POLR3C: variants seen among roughly 807,000 people sequenced by gnomAD.
POLR3C encodes the protein RNA polymerase III subunit C.
POLR3C carries 44 observed loss-of-function variants against 65.9 expected under a neutral mutation model. That is an observed-to-expected ratio of 0.67 (90% confidence interval 0.52 to 0.86). The LOEUF (loss-of-function observed/expected upper bound fraction) is 0.86. Ranked by LOEUF, POLR3C falls within the 40% of genes least tolerant of loss-of-function variation. The pLI is 0.00. For synonymous variants in POLR3C, 263 were observed against 231.6 expected (o/e 1.14, Z -1.23); for missense variants, 576 against 653.2 (o/e 0.88, Z 1.29).
chr1:145,838,305 T>C, intron 11 of POLR3C, 99 bp downstream of exon 11: 4 of 889,050 alleles, frequency 4.5e-6, no homozygotes, highest in Non-Finnish European at 7.2e-6. Flanking sequence ...GCAAACTCTA[T>C]ATCCAGCTCT....
intron 7 of POLR3C, among the ~76,000 whole-genome samples, chr1:145,833,868 A>C (rs1473382282): frequency 6.6e-6 from 1 of 152,242 alleles, no homozygotes; most frequent in East Asian, 1.9e-4. Flanking sequence ...GAGCCTTGGC[A>C]TTCAGGACAT....
chr1:145,825,599 AAAAG>A (rs1650664187), intron 1 of POLR3C, among the ~76,000 whole-genome samples, 154 bp from the exon 2 acceptor site: 1 of 152,202 alleles, frequency 6.6e-6, no homozygotes. Context: ...ACAATATCCA[AAAAG>A]AAATTGTTGT....
intron 1 of POLR3C, 39 bp downstream of exon 1, chr1:145,824,408 T>G (rs1248733310): frequency 3.9e-6 from 2 of 510,510 alleles, no homozygotes; most frequent in African/African-American, 3.9e-5. Context: ...CGGCACTGAC[T>G]GGACCAAGAG....
chr1:145,842,524 A>C lies in POLR3C; in HGVS notation c.*104A>C, dbSNP rs587695697. ...AGTGGGATAAGTCGCAGAGTCTTCAACTAAACCCCCCTCTCTATCCCCTGC... is the reference window on the plus strand; with the variant it reads ...AGTGGGATAAGTCGCAGAGTCTTCACCTAAACCCCCCTCTCTATCCCCTGC... On this transcript the variant is annotated 3_prime_UTR_variant, in exon 15 of 15. Coordinates refer to ENST00000334163, the MANE Select transcript of POLR3C (RefSeq NM_006468.8). The C allele has an allele frequency of 1.9e-5, 15 of 800,938 alleles. No individual in the cohort carries two copies. The highest frequency in any genetic ancestry group is 1.1e-4 in the Admixed American group (6 of 55,242). The allele number at this position is 800,938 out of a possible 1,614,324, so 49.6% of individuals were successfully genotyped here.
intron 5 of POLR3C, among the ~76,000 whole-genome samples, chr1:145,831,098 CA>C (rs781897349): frequency 0.038 from 4,700 of 124,098 alleles, 51 homozygotes; most frequent in Non-Finnish European, 0.046. Context: ...GACCCTGTCT[CA>C]AAAAAAAAAA....
chr1:145,836,708 A>G (rs1258835558), intron 8 of POLR3C, 107 bp from the exon 9 acceptor site: 1 of 943,416 alleles, frequency 1.1e-6, no homozygotes, highest in African/African-American at 1.6e-5. Context: ...TCTCCACATC[A>G]TTTGATAGGA....
chr1:145,830,035 G>C (rs1299797871), intron 5 of POLR3C, among the ~76,000 whole-genome samples: 1 of 152,216 alleles, frequency 6.6e-6, no homozygotes, highest in Non-Finnish European at 1.5e-5. Context: ...GGGAAATGAA[G>C]TGACTGGATT....
Position 145,842,998 on chromosome 1 carries a change from AT to A in POLR3C, c.*585del, listed in dbSNP as rs1258750027. Among the ~76,000 whole-genome samples, 2 of 151,524 alleles carry A rather than the reference AT, an allele frequency of 1.3e-5. No individual in the cohort carries two copies. The highest frequency in any genetic ancestry group is 2.9e-5 in the Non-Finnish European group (2 of 67,892). On this transcript the variant is annotated 3_prime_UTR_variant, in exon 15 of 15. Coordinates refer to ENST00000334163, the MANE Select transcript of POLR3C (RefSeq NM_006468.8). Reference sequence around the variant, plus strand: ...CCAGCTATTTTTTATTTATTTATTTATTTTTTTGTAGAGACAGGGCCTCCCT... The same window carrying A: ...CCAGCTATTTTTTATTTATTTATTTATTTTTTGTAGAGACAGGGCCTCCCT...
chr1:145,825,904 C>G lies in POLR3C; in HGVS notation c.128C>G (p.Thr43Arg), dbSNP rs1053351373. 3.7e-6 allele frequency: 6 copies of G among 1,612,924 alleles called. No individual in the cohort carries two copies. The highest frequency in any genetic ancestry group is 1.3e-5 in the African/African-American group (1 of 74,914). Residue 43 changes from threonine to arginine, a missense_variant, in exon 2 of 15, where the codon ACA becomes AGA. Physicochemically the swap from Thr to Arg is moderately conservative, Grantham distance 71. Coordinates refer to ENST00000334163, the MANE Select transcript of POLR3C (RefSeq NM_006468.8). Reference protein sequence around the residue: ...SQPLRVIAHDTGTSLDQVKKA... With the variant: ...SQPLRVIAHDRGTSLDQVKKA... ...CCACTAAGAGTAATTGCCCATGACACAGGAACATCACTGGATCAGGTATGT... is the reference window on the plus strand; with the variant it reads ...CCACTAAGAGTAATTGCCCATGACAGAGGAACATCACTGGATCAGGTATGT...
chr1:145,837,928 A>G, intron 10 of POLR3C, 128 bp from the exon 11 acceptor site: 1 of 816,050 alleles, frequency 1.2e-6, no homozygotes, highest in Non-Finnish European at 1.9e-6. Context: ...GCTGTAGAAT[A>G]ATTTTCTGAT....
chr1:145,842,982 T>TTTTA lies in POLR3C; in HGVS notation c.*578_*581dup, dbSNP rs1164160809. 1.3e-5 allele frequency among the ~76,000 whole-genome samples: 2 copies of TTTTA among 152,048 alleles called. No homozygotes were observed. The highest frequency in any genetic ancestry group is 6.6e-5 in the Admixed American group (1 of 15,256). On this transcript the variant is annotated 3_prime_UTR_variant, in exon 15 of 15. Transcript: ENST00000334163. ...CATGCACCACACATACCCAGCTATT[T>TTTTA]TTTATTTATTTATTTATTTTTTTGT...
intron 12 of POLR3C, 39 bp downstream of exon 12, chr1:145,840,030 G>A (rs369799502): frequency 3.2e-5 from 48 of 1,498,368 alleles, no homozygotes; most frequent in South Asian, 6.8e-5. Context: ...TCCTCCATAC[G>A]GTCAAGTACC....
At position 145,836,515 on chromosome 1, in the gene POLR3C, G is replaced by C. The variant is rs373837148; in HGVS notation, c.898G>C (p.Gly300Arg). The C allele has an allele frequency of 7.1e-5, 114 of 1,603,072 alleles. No individual in the cohort carries two copies. The highest frequency in any genetic ancestry group is 9.4e-5 in the Non-Finnish European group (110 of 1,170,264). Residue 300 changes from glycine (G) to arginine (R), a missense_variant, in exon 8 of 15, where the codon GGC becomes CGC. Gly to Arg is a moderately radical substitution (Grantham distance 125). Transcript: ENST00000334163. ...SNEIFRSLPV[G>R]YNISKQVLDQ... The stretch of plus-strand genomic sequence containing the variant: ...ATAGATCTTCAGATCCCTACCTGTT[G>C]GCTATAACATCTCTAAGCAAGTTCT...
rs782470131 is a variant in POLR3C at position 145,840,962 on chromosome 1, G to A, written c.1414G>A (p.Ala472Thr). 2.5e-6 allele frequency: 4 copies of A among 1,613,294 alleles called. No individual in the cohort carries two copies. Among genetic ancestry groups the A allele is most frequent in the Admixed American group, 3.3e-5 (2 of 60,026 alleles). The change falls in exon 14 of 15, where the codon GCA becomes ACA. Residue 472 changes from alanine (A) to threonine (T), a missense_variant. Ala to Thr is a moderately conservative substitution (Grantham distance 58). Coordinates refer to ENST00000334163, the MANE Select transcript of POLR3C (RefSeq NM_006468.8). The part of the protein sequence containing the change: ...EKSQRVEAII[A>T]SMQATGAEEA... The stretch of plus-strand genomic sequence containing the variant: ...ATCTCAGAGGGTAGAAGCCATCATT[G>A]CATCTATGCAGGCTACTGGTGCAGA...
In POLR3C at chr1:145,842,699, T is replaced by C. The variant is rs1281469602; in HGVS notation, c.*279T>C. Among the ~76,000 whole-genome samples the C allele has an allele frequency of 6.6e-6, 1 of 151,980 alleles. No homozygotes were observed. The highest frequency in any genetic ancestry group is 1.5e-5 in the Non-Finnish European group (1 of 68,018). On this transcript the variant is annotated 3_prime_UTR_variant, in exon 15 of 15. Transcript: ENST00000334163. ...TTCCCATAAAGAAGTTACCCACACCTATGGTTACCTATATCCCTGGCAATA... is the reference window on the plus strand; with the variant it reads ...TTCCCATAAAGAAGTTACCCACACCCATGGTTACCTATATCCCTGGCAATA...
Position 145,842,555 on chromosome 1 carries a change from A to G in POLR3C, c.*135A>G. On this transcript the variant is annotated 3_prime_UTR_variant, in exon 15 of 15. Coordinates refer to ENST00000334163, the MANE Select transcript of POLR3C (RefSeq NM_006468.8). ...CCCCCCTCTCTATCCCCTGCAGCCC[A>G]GGATACACCTGAAAGAATTTGGCAT... 2 of 701,076 alleles carry G rather than the reference A, an allele frequency of 2.9e-6. No individual in the cohort carries two copies. Among genetic ancestry groups the G allele is most frequent in the South Asian group, 3.1e-5 (2 of 65,278 alleles). 43.4% of individuals were successfully genotyped at this position (701,076 alleles called of 1,614,324 possible).
chr1:145,838,205 A>G lies in POLR3C; in HGVS notation c.1220A>G (p.Gln407Arg), dbSNP rs1351296036. ...KMLSENFMSL[Q>R]EIPKTPDHAP... ...CTCTCAGAAAATTTCATGTCACTCC[A>G]GGTAACCAACCAAGGGCGTAATAAT... The change falls in exon 11 of 15, where the codon CAG becomes CGG. Residue 407 changes from glutamine (Q) to arginine (R), a missense_variant and splice_region_variant. Gln to Arg is a conservative substitution (Grantham distance 43). Transcript: ENST00000334163. 1.9e-6 allele frequency: 3 copies of G among 1,612,918 alleles called. No individual in the cohort carries two copies. Among genetic ancestry groups the G allele is most frequent in the Non-Finnish European group, 2.5e-6 (3 of 1,179,052 alleles).
chr1:145,843,755 A>G lies in POLR3C; in HGVS notation c.*1335A>G, dbSNP rs1652457759. 1.3e-5 allele frequency among the ~76,000 whole-genome samples: 2 copies of G among 152,344 alleles called. No individual in the cohort carries two copies. The highest frequency in any genetic ancestry group is 4.1e-4 in the South Asian group (2 of 4,832). On this transcript the variant is annotated 3_prime_UTR_variant, in exon 15 of 15. Transcript: ENST00000334163. ...AGAGAGTGACAATGTATAGTTTGAA[A>G]GATGAGGATGCTTTATTTGCAAACT...
chr1:145,835,101 T>A (rs372074083), intron 7 of POLR3C, among the ~76,000 whole-genome samples: 1 of 138,196 alleles, frequency 7.2e-6, no homozygotes, highest in East Asian at 2.1e-4. Flanking sequence ...ACTATGATCA[T>A]GCCACTGCAC....
Sources: gnomAD v4.1 joint callset for allele counts (sites outside exome capture counted in the v4.1 genomes callset) on GRCh38, gnomAD v4.1.1 for gene constraint, MANE v1.5 for transcripts, NCBI Gene and HGNC (gene_info 2026-07-23, HGNC 2026-07-21) for gene names.